Variants in OSBPL9 observed in about 807,000 individuals in gnomAD.
The protein encoded by OSBPL9 is oxysterol-binding protein-related protein 9.
A neutral mutation model predicts 106.6 loss-of-function variants in OSBPL9; 40 were observed. The observed-to-expected ratio is 0.38, with a 90% confidence interval of 0.29 to 0.49. OSBPL9 has a LOEUF of 0.49. OSBPL9 is among the 20% of genes least tolerant of loss of function. OSBPL9 has a pLI of 0.97. For synonymous variants in OSBPL9, 269 were observed against 295.4 expected, an observed-to-expected ratio of 0.91 and a Z score of 0.92; for missense variants, 609 against 887.2, an observed-to-expected ratio of 0.69 and a Z score of 3.98.
At chr1:51,774,911 TA>T (rs1441547255) in intron 14 of OSBPL9, among the ~76,000 whole-genome samples, 1 of 152,214 alleles carries the variant, frequency 6.6e-6, no homozygotes, top group Admixed American at 6.5e-5. Flanking sequence ...TTAAACTTTT[TA>T]AAAATGTTTT....
At chr1:51,628,445 G>A (rs1435494186) in intron 1 of OSBPL9, among the ~76,000 whole-genome samples, 3 of 151,762 alleles carry the variant, frequency 2.0e-5, no homozygotes, top group Non-Finnish European at 4.4e-5. Flanking sequence ...CTGGCCTGGT[G>A]CAGTGGCTCG....
intron 3 of OSBPL9, among the ~76,000 whole-genome samples, chr1:51,711,505 C>CA (rs1659890827): frequency 3.2e-5 from 4 of 126,130 alleles, no homozygotes; most frequent in Admixed American, 1.5e-4. Flanking sequence ...GCTGGCCGGG[C>CA]GGGGGGCTGA....
chr1:51,585,171 C>G (rs1487536625), intron 1 of OSBPL9, among the ~76,000 whole-genome samples: 1 of 23,078 alleles, frequency 4.3e-5, no homozygotes, highest in Non-Finnish European at 9.1e-5. Flanking sequence ...GAGGCCCCAT[C>G]TCTTAAAAAA....
intron 3 of OSBPL9, among the ~76,000 whole-genome samples, chr1:51,703,158 G>GT (rs1657672826): frequency 6.6e-6 from 1 of 152,150 alleles, no homozygotes; most frequent in South Asian, 2.1e-4. Context: ...CTTTAAAGTA[G>GT]TTTTTTCCAA....
intron 4 of OSBPL9, among the ~76,000 whole-genome samples, chr1:51,743,720 A>G (rs963300830): frequency 1.3e-5 from 2 of 152,198 alleles, no homozygotes; most frequent in African/African-American, 2.4e-5. Flanking sequence ...AAACAAAACC[A>G]AAAAACAAGC....
intron 1 of OSBPL9, among the ~76,000 whole-genome samples, chr1:51,596,901 C>T (rs74082628): frequency 0.066 from 10,059 of 152,214 alleles, 488 homozygotes; most frequent in East Asian, 0.28. Context: ...CATGGAGCTA[C>T]CTTTCCAGTA....
At position 51,789,196 on chromosome 1, in the gene OSBPL9, A is replaced by AAAAT. The variant is rs763971361; in HGVS notation, c.*1409_*1412dup. 1.1e-4 allele frequency: 179 copies of AAAAT among 1,562,848 alleles called. 1 individual carries two copies. Among genetic ancestry groups the AAAAT allele is most frequent in the Non-Finnish European group, 1.5e-4 (175 of 1,133,914 alleles). On this transcript the variant is annotated 3_prime_UTR_variant, in exon 24 of 24. Coordinates refer to ENST00000428468, the MANE Select transcript of OSBPL9 (RefSeq NM_024586.6). Reference sequence around the variant, plus strand: ...CATAAAATACAAACAAACACATTTTAAAATACACATTGCTTCAGGCCAACG... The same window carrying AAAAT: ...CATAAAATACAAACAAACACATTTTAAAATAAATACACATTGCTTCAGGCCAACG...
intron 2 of OSBPL9, among the ~76,000 whole-genome samples, chr1:51,665,726 AAGAAGC>A (rs1189859745): frequency 1.3e-5 from 2 of 152,194 alleles, no homozygotes; most frequent in African/African-American, 4.8e-5. Context: ...CGAGTCTTCA[AAGAAGC>A]CTTCGATTAG....
chr1:51,748,361 T>A lies in OSBPL9; in HGVS notation c.463-8T>A. ...ATTATTTCTGTTTAAACTTATTATT[T>A]TTCACAGAAAATTGAAACTCTCAAA... On this transcript the variant is annotated splice_region_variant and splice_polypyrimidine_tract_variant and intron_variant, in intron 6 of 23. Coordinates refer to ENST00000428468, the MANE Select transcript of OSBPL9 (RefSeq NM_024586.6). The A allele has an allele frequency of 6.6e-7, 1 of 1,518,712 alleles. No homozygotes were observed. The highest frequency in any genetic ancestry group is 8.7e-7 in the Non-Finnish European group (1 of 1,143,356). The allele number at this position is 1,518,712 out of a possible 1,614,324, so 94.1% of individuals were successfully genotyped here.
At position 51,748,372 on chromosome 1, in the gene OSBPL9, A is replaced by G. The variant is rs774860271; in HGVS notation, c.466A>G (p.Ile156Val). The change falls in exon 7 of 24, where the codon ATT (isoleucine) becomes GTT (valine). Residue 156 changes from isoleucine to valine, a missense_variant. This residue lies in a region of OSBPL9 where 356 missense variants were observed against 505.8 expected (regional missense o/e 0.70). Coordinates refer to ENST00000428468, the MANE Select transcript of OSBPL9 (RefSeq NM_024586.6). ...TTAAACTTATTATTTTTCACAGAAA[A>G]TTGAAACTCTCAAAGAGACAACAAA... ...NCKEDEQRKK[I>V]ETLKETTNSM... 5.3e-6 allele frequency: 8 copies of G among 1,519,950 alleles called. No homozygotes were observed. Among genetic ancestry groups the G allele is most frequent in the African/African-American group, 1.4e-5 (1 of 69,176 alleles). The allele number at this position is 1,519,950 out of a possible 1,614,324, so 94.2% of individuals were successfully genotyped here. A position where few individuals can be genotyped will look rare whatever the true frequency, so the allele number is the denominator to read the frequency against.
rs755357436 is a variant in OSBPL9, at chr1:51,741,437, CCTCT to C, written c.319-4093_319-4090del. On this transcript the variant is annotated intron_variant, in intron 4 of 23. Coordinates refer to ENST00000428468, the MANE Select transcript of OSBPL9 (RefSeq NM_024586.6). ...TCCCTTCCTTCCATCCTTCCTTCTC[CCTCT>C]CTCTCCCTTCCTTCTTTCCTTCCTT... Among the ~76,000 whole-genome samples, 9 of 147,368 alleles carry C rather than the reference CCTCT, an allele frequency of 6.1e-5. No individual in the cohort carries two copies. The South Asian group carries it at 1.3e-3, about 22-fold the overall frequency.
intron 1 of OSBPL9, among the ~76,000 whole-genome samples, chr1:51,631,370 A>G (rs1645093843): frequency 6.6e-6 from 1 of 152,056 alleles, no homozygotes; most frequent in Admixed American, 6.6e-5. Context: ...GTGAGACCCC[A>G]TCTCTACAAA....
intron 1 of OSBPL9, among the ~76,000 whole-genome samples, chr1:51,639,527 G>A (rs1055332784): frequency 2.6e-5 from 4 of 152,164 alleles, no homozygotes; most frequent in Admixed American, 6.5e-5. Context: ...GAGTTGGGGT[G>A]GTGGGGACAA....
At chr1:51,697,880 C>T (rs1481284590) in intron 3 of OSBPL9, among the ~76,000 whole-genome samples, 1 of 150,294 alleles carries the variant, frequency 6.7e-6, no homozygotes, top group Non-Finnish European at 1.5e-5. Flanking sequence ...TAGGAGTTAC[C>T]AGTAATCTCC....
At chr1:51,530,126 G>C in the OSBPL9 span, among the ~76,000 whole-genome samples, 1 of 129,980 alleles carries the variant, frequency 7.7e-6, no homozygotes, top group Non-Finnish European at 1.6e-5. Context: ...AGCTGAGATC[G>C]TGCCACTGCA....
rs531186773 is a variant in OSBPL9, at chr1:51,679,580, A to G, written c.241+10068A>G. 1.2e-4 allele frequency among the ~76,000 whole-genome samples: 18 copies of G among 152,332 alleles called. No individual in the cohort carries two copies. The South Asian group carries it at 2.1e-3, about 18-fold the overall frequency. On this transcript the variant is annotated intron_variant, in intron 3 of 23. Coordinates refer to ENST00000428468, the MANE Select transcript of OSBPL9 (RefSeq NM_024586.6). Reference sequence around the variant, plus strand: ...GGTCAGCTGTGGTCTGAACATATTCAATAGAAAACTCCAGAAATAAACAAT... The same window carrying G: ...GGTCAGCTGTGGTCTGAACATATTCGATAGAAAACTCCAGAAATAAACAAT...
chr1:51,564,345 C>G, the OSBPL9 span, among the ~76,000 whole-genome samples: 1 of 152,092 alleles, frequency 6.6e-6, no homozygotes, highest in African/African-American at 2.4e-5. Flanking sequence ...CACCCTCCCC[C>G]ACAATCATGG....
chr1:51,527,099 T>C, the OSBPL9 span, among the ~76,000 whole-genome samples: 15 of 152,056 alleles, frequency 9.9e-5, no homozygotes, highest in Admixed American at 1.3e-4. Context: ...ATCAGGACAA[T>C]GGTTAAGATG....
chr1:51,588,652 A>C (rs1023766164), intron 1 of OSBPL9, among the ~76,000 whole-genome samples: 2 of 152,200 alleles, frequency 1.3e-5, no homozygotes, highest in Non-Finnish European at 2.9e-5. Context: ...TCCTGTCTCA[A>C]AAACAAAAGA....
Sources: allele counts gnomAD v4.1 joint callset (sites outside exome capture counted in the v4.1 genomes callset), GRCh38; gene constraint gnomAD v4.1.1; regional missense constraint gnomAD v4.1.1; transcripts MANE v1.5; gene names NCBI Gene and HGNC (gene_info 2026-07-23, HGNC 2026-07-21).